The following ACSM1 variants were observed in gnomAD, a reference collection of about 807,000 sequenced individuals.
ACSM1 encodes the protein acyl-CoA synthetase medium chain family member 1.
In ACSM1, 79 loss-of-function variants were observed where a neutral mutation model predicts 75.8. That is an observed-to-expected ratio of 1.04 (90% confidence interval 0.87 to 1.26). The LOEUF is 1.26. Among genes scored for constraint, ACSM1 ranks in the 50% most tolerant of loss-of-function variants. ACSM1 has a pLI of 0.00. For synonymous variants in ACSM1, 279 were observed against 265.8 expected, an observed-to-expected ratio of 1.05 and a Z score of -0.48; for missense variants, 676 against 720.1, an observed-to-expected ratio of 0.94 and a Z score of 0.70.
intron 1 of ACSM1, among the ~76,000 whole-genome samples, chr16:20,693,839 T>C (rs2079675748): frequency 1.3e-5 from 2 of 152,230 alleles, no homozygotes; most frequent in South Asian, 4.1e-4. Context: ...GCAATTTTAA[T>C]ATTGTAAAAA....
At chr16:20,635,578 CTTTTTCT>C (rs1332967995) in intron 10 of ACSM1, among the ~76,000 whole-genome samples, 1 of 145,814 alleles carries the variant, frequency 6.9e-6, no homozygotes, top group Non-Finnish European at 1.5e-5. Context: ...TTTAATTTTT[CTTTTTCT>C]TTCTTTCTTT....
chr16:20,671,396 G>C, intron 5 of ACSM1, 135 bp downstream of exon 5: 1 of 922,128 alleles, frequency 1.1e-6, no homozygotes, highest in South Asian at 2.7e-5. Context: ...GAGTGGAAGG[G>C]AAAAGGAGTA....
intron 7 of ACSM1, among the ~76,000 whole-genome samples, chr16:20,650,389 G>A (rs574770385): frequency 1.3e-5 from 2 of 152,242 alleles, no homozygotes; most frequent in South Asian, 4.1e-4. Flanking sequence ...ACTCGTGGGA[G>A]TGTCTGGGAG....
chr16:20,676,958 A>G (rs1246218992), intron 4 of ACSM1, among the ~76,000 whole-genome samples: 1 of 152,212 alleles, frequency 6.6e-6, no homozygotes, highest in Admixed American at 6.5e-5. Flanking sequence ...ATAAAGTGTC[A>G]GAAAAAAGCT....
chr16:20,637,270 G>A (rs1397848987), intron 9 of ACSM1, 101 bp downstream of exon 9: 1 of 870,490 alleles, frequency 1.1e-6, no homozygotes, highest in Admixed American at 1.8e-5. Flanking sequence ...GAGGAAGGAT[G>A]ACTGGAGCAG....
At chr16:20,695,535 G>C (rs760271587) in intron 1 of ACSM1, among the ~76,000 whole-genome samples, 2 of 150,840 alleles carry the variant, frequency 1.3e-5, no homozygotes, top group Non-Finnish European at 2.9e-5. Context: ...TATATGTCCA[G>C]CTTTTTCACT....
In ACSM1 at chr16:20,660,887, C is replaced by T. The variant is rs915372060; in HGVS notation, c.992+907G>A. ...AAATAAAGTTGTATTAAGATAACAC[C>T]ACACACCCACCAGCCTGGCAAAAAT... On this transcript the variant is annotated intron_variant, in intron 7 of 13. Coordinates refer to ENST00000520010, the MANE Select transcript of ACSM1 (RefSeq NM_001318890.3). Among the ~76,000 whole-genome samples, 40 of 152,150 alleles carry T rather than the reference C, an allele frequency of 2.6e-4. 1 individual carries two copies. Among genetic ancestry groups the T allele is most frequent in the African/African-American group, 9.6e-4 (40 of 41,520 alleles).
chr16:20,689,853 T>C (rs900192221), intron 2 of ACSM1, among the ~76,000 whole-genome samples: 3 of 152,122 alleles, frequency 2.0e-5, no homozygotes, highest in African/African-American at 4.8e-5. Context: ...GGAGACTAGG[T>C]TAAATAATGG....
intron 7 of ACSM1, among the ~76,000 whole-genome samples, chr16:20,656,071 C>T (rs773937722): frequency 6.6e-6 from 1 of 152,118 alleles, no homozygotes; most frequent in African/African-American, 2.4e-5. Context: ...CTTTGAAGGA[C>T]GGCTCTTTCC....
rs1469651729 is a variant in ACSM1 at position 20,641,530 on chromosome 16, A to G, written c.993-946T>C. Among the ~76,000 whole-genome samples, 4 of 152,296 alleles carry G rather than the reference A, an allele frequency of 2.6e-5. No individual in the cohort carries two copies. The East Asian group carries it at 7.7e-4, about 29-fold the overall frequency. On this transcript the variant is annotated intron_variant, in intron 7 of 13. Coordinates refer to ENST00000520010, the MANE Select transcript of ACSM1 (RefSeq NM_001318890.3). ...GCAGAACATGCTCCTTATAAATGCT[A>G]TACCATCACAGGTGTTCATCATGCA...
intron 1 of ACSM1, among the ~76,000 whole-genome samples, chr16:20,693,758 A>G (rs1282526784): frequency 1.3e-5 from 2 of 152,186 alleles, no homozygotes; most frequent in Non-Finnish European, 2.9e-5. Context: ...GCCCCTGTGT[A>G]TATTTGAGCT....
At chr16:20,647,614 C>A (rs2018436294) in intron 7 of ACSM1, among the ~76,000 whole-genome samples, 1 of 152,090 alleles carries the variant, frequency 6.6e-6, no homozygotes, top group South Asian at 2.1e-4. Context: ...CAATTCAAGC[C>A]TTCACAGCCT....
chr16:20,633,755 C>A (rs907518396), intron 10 of ACSM1, among the ~76,000 whole-genome samples: 3 of 152,038 alleles, frequency 2.0e-5, no homozygotes, highest in Non-Finnish European at 2.9e-5. Context: ...AAAGGCCAGG[C>A]GCGGTAGCTC....
At chr16:20,664,354 AT>A (rs888221464) in intron 6 of ACSM1, among the ~76,000 whole-genome samples, 2 of 152,102 alleles carry the variant, frequency 1.3e-5, no homozygotes, top group African/African-American at 4.8e-5. Flanking sequence ...AGGAGTCCTT[AT>A]TCTTATATCA....
intron 13 of ACSM1, 112 bp downstream of exon 13, chr16:20,623,984 G>C: frequency 1.4e-6 from 2 of 1,479,824 alleles, no homozygotes; most frequent in Non-Finnish European, 1.8e-6. Flanking sequence ...AGAGCCTTCA[G>C]TGTTGTAAAC....
intron 10 of ACSM1, among the ~76,000 whole-genome samples, chr16:20,632,066 T>C (rs2017379672): frequency 6.6e-6 from 1 of 152,098 alleles, no homozygotes; most frequent in African/African-American, 2.4e-5. Context: ...TCTCCAAATA[T>C]TGCATTGGGG....
intron 10 of ACSM1, among the ~76,000 whole-genome samples, chr16:20,629,153 TG>T (rs1308528296): frequency 6.6e-6 from 1 of 152,102 alleles, no homozygotes; most frequent in African/African-American, 2.4e-5. Flanking sequence ...ATGAGAAAAT[TG>T]TTTTTTTTAA....
intron 3 of ACSM1, among the ~76,000 whole-genome samples, chr16:20,682,924 C>T (rs888631856): frequency 1.3e-5 from 2 of 152,024 alleles, no homozygotes; most frequent in Non-Finnish European, 2.9e-5. Flanking sequence ...CTGTATTTCA[C>T]CACATTGTCC....
intron 7 of ACSM1, among the ~76,000 whole-genome samples, chr16:20,642,414 C>T (rs752607594): frequency 2.6e-5 from 4 of 152,206 alleles, no homozygotes; most frequent in African/African-American, 4.8e-5. Flanking sequence ...GAATTAGCTA[C>T]AAAACTTACT....
Sources: gnomAD v4.1 joint callset for allele counts (sites outside exome capture counted in the v4.1 genomes callset) on GRCh38, gnomAD v4.1.1 for gene constraint, MANE v1.5 for transcripts, NCBI Gene and HGNC (gene_info 2026-07-23, HGNC 2026-07-21) for gene names.